The following PITPNC1 variants were observed in gnomAD, a reference collection of about 807,000 sequenced individuals.
The protein encoded by PITPNC1 is cytoplasmic phosphatidylinositol transfer protein 1.
A neutral mutation model predicts 44.7 loss-of-function variants in PITPNC1; 18 were observed. The ratio of observed to expected loss-of-function variants is 0.40; its 90% confidence interval spans 0.28 to 0.60. PITPNC1 has a LOEUF of 0.60. Ranked by LOEUF, PITPNC1 falls within the 20% of genes least tolerant of loss-of-function variation. The probability of loss-of-function intolerance (pLI) is 0.39; values close to 1 mark genes in which losing one functional copy is unlikely to be tolerated. For synonymous variants in PITPNC1, 141 were observed against 149.6 expected (o/e 0.94, Z 0.42); for missense variants, 290 against 418.4 (o/e 0.69, Z 2.68).
intron 1 of PITPNC1, among the ~76,000 whole-genome samples, chr17:67,391,062 T>C (rs2038131469): frequency 1.4e-5 from 2 of 143,372 alleles, no homozygotes; most frequent in South Asian, 4.3e-4. Flanking sequence ...TTTTTTAGCG[T>C]GTGTGTGTGT....
At position 67,616,361 on chromosome 17, in the gene PITPNC1, G is replaced by A. The variant is rs148835601; in HGVS notation, c.367-15782G>A. Among the ~76,000 whole-genome samples, 1,501 of 152,170 alleles carry A rather than the reference G, an allele frequency of 9.9e-3. 26 individuals carry two copies. The highest frequency in any genetic ancestry group is 0.034 in the African/African-American group (1,419 of 41,508). The stretch of plus-strand genomic sequence containing the variant: ...TTACCATGTTGGCTAGGCTGGTCTC[G>A]AACTCCTGACCTGAGGTGATCCACC... On this transcript the variant is annotated intron_variant, in intron 5 of 8. Transcript: ENST00000581322.
intron 8 of PITPNC1, chr17:67,687,023 T>C (rs764484299): frequency 1.8e-6 from 2 of 1,092,408 alleles, no homozygotes; most frequent in East Asian, 4.7e-5. Flanking sequence ...ATTGAAAGTT[T>C]GCATCTAATA....
intron 4 of PITPNC1, 139 bp from the exon 5 acceptor site, chr17:67,578,047 A>G: frequency 5.7e-6 from 4 of 706,176 alleles, no homozygotes; most frequent in South Asian, 4.5e-5. Flanking sequence ...CTGAATTTGG[A>G]TATTGACTTA....
intron 1 of PITPNC1, among the ~76,000 whole-genome samples, chr17:67,380,005 T>G (rs941227740): frequency 5.9e-5 from 9 of 152,018 alleles, no homozygotes; most frequent in Non-Finnish European, 1.0e-4. Flanking sequence ...AGGTATACCG[T>G]GGGGTAATTA....
chr17:67,631,521 C>G lies in PITPNC1; in HGVS notation c.367-622C>G, dbSNP rs1368022266. Among the ~76,000 whole-genome samples, 96 of 130,388 alleles carry G rather than the reference C, an allele frequency of 7.4e-4. 1 individual carries two copies. Among genetic ancestry groups the G allele is most frequent in the African/African-American group, 2.6e-3 (93 of 35,386 alleles). The allele number at this position is 130,388 out of a possible 152,430, so 85.5% of individuals were successfully genotyped here. On this transcript the variant is annotated intron_variant, in intron 5 of 8. Transcript: ENST00000581322. ...GTGGGCGCCTGTAATCCCAGCTACTCGGGAGGCTGAGGCAGGAGAATGGCA... is the reference window on the plus strand; with the variant it reads ...GTGGGCGCCTGTAATCCCAGCTACTGGGGAGGCTGAGGCAGGAGAATGGCA...
intron 2 of PITPNC1, among the ~76,000 whole-genome samples, chr17:67,535,019 C>G (rs544661696): frequency 1.4e-4 from 22 of 152,346 alleles, no homozygotes; most frequent in African/African-American, 5.3e-4. Context: ...GGATGGAATT[C>G]TCCCAGACCC....
rs568372553 is a variant in PITPNC1, at chr17:67,462,569, G to T, written c.49-70233G>T. 3.3e-5 allele frequency among the ~76,000 whole-genome samples: 5 copies of T among 151,808 alleles called. No individual in the cohort carries two copies. The East Asian group carries it at 9.7e-4, about 30-fold the overall frequency. On this transcript the variant is annotated intron_variant, in intron 1 of 8. Coordinates refer to ENST00000581322, the MANE Select transcript of PITPNC1 (RefSeq NM_012417.4). ...TTTTCTGTTGTGTGCCTAAGACATGGTTATCTAGACAAAAATACCACTTAG... is the reference window on the plus strand; with the variant it reads ...TTTTCTGTTGTGTGCCTAAGACATGTTTATCTAGACAAAAATACCACTTAG...
chr17:67,688,338 CA>C lies in PITPNC1; in HGVS notation c.683-4221del, dbSNP rs56938476. Among the ~76,000 whole-genome samples, 207 of 54,274 alleles carry C rather than the reference CA, an allele frequency of 3.8e-3. 30 individuals carry two copies. The highest frequency in any genetic ancestry group is 2.2e-3 in the Admixed American group (8 of 3,572). The allele number at this position is 54,274 out of a possible 152,430, so 35.6% of individuals were successfully genotyped here. On this transcript the variant is annotated intron_variant, in intron 8 of 8. Transcript: ENST00000581322. ...GGGCAACAAGAGCAAAATTCTGTCT[CA>C]AAAAAAAAAAAATCAATGCTGTAGT...
In PITPNC1 at chr17:67,643,151, G is replaced by A. The variant is rs567196442; in HGVS notation, c.462+10913G>A. Among the ~76,000 whole-genome samples the A allele has an allele frequency of 2.6e-5, 4 of 152,324 alleles. No homozygotes were observed. In the East Asian group the frequency reaches 5.8e-4, roughly 22 times the overall value. ...GCAGTGGCTCACGCCTGTAATCCCA[G>A]CACTTTGGGACGCCAAGGCAGGCAG... On this transcript the variant is annotated intron_variant, in intron 6 of 8. Coordinates refer to ENST00000581322, the MANE Select transcript of PITPNC1 (RefSeq NM_012417.4).
intron 2 of PITPNC1, among the ~76,000 whole-genome samples, chr17:67,536,043 G>A (rs1459370518): frequency 6.6e-6 from 1 of 152,180 alleles, no homozygotes; most frequent in African/African-American, 2.4e-5. Context: ...TAAGAAAGAG[G>A]AAACTGAGCC....
chr17:67,433,884 A>G (rs2038895033), intron 1 of PITPNC1, among the ~76,000 whole-genome samples: 1 of 152,044 alleles, frequency 6.6e-6, no homozygotes, highest in Non-Finnish European at 1.5e-5. Context: ...CCTGGGTGAC[A>G]TAGCGAGACT....
At chr17:67,378,241 AC>A in intron 1 of PITPNC1, 39 bp downstream of exon 1, 4 of 1,362,964 alleles carry the variant, frequency 2.9e-6, no homozygotes, top group Non-Finnish European at 3.9e-6. Flanking sequence ...CCGCTCCGGG[AC>A]CCCCGCCGCT....
chr17:67,479,658 G>T (rs1186874842), intron 1 of PITPNC1, among the ~76,000 whole-genome samples: 1 of 151,954 alleles, frequency 6.6e-6, no homozygotes, highest in Non-Finnish European at 1.5e-5. Context: ...CAAAGATTAT[G>T]ATTTTTTTTT....
In PITPNC1 at chr17:67,664,563, G is replaced by T. The variant is rs114206037; in HGVS notation, c.463-4945G>T. 5.6e-3 allele frequency among the ~76,000 whole-genome samples: 856 copies of T among 152,244 alleles called. 9 individuals carry two copies. Among genetic ancestry groups the T allele is most frequent in the African/African-American group, 0.019 (803 of 41,562 alleles). ...TTGCATTTCTCTGATGATTAGTAATGCTAAGCATTTTTTCATGTTTCTCGG... is the reference window on the plus strand; with the variant it reads ...TTGCATTTCTCTGATGATTAGTAATTCTAAGCATTTTTTCATGTTTCTCGG... On this transcript the variant is annotated intron_variant, in intron 6 of 8. Coordinates refer to ENST00000581322, the MANE Select transcript of PITPNC1 (RefSeq NM_012417.4).
At chr17:67,449,654 G>A (rs149690318) in intron 1 of PITPNC1, among the ~76,000 whole-genome samples, 9 of 152,238 alleles carry the variant, frequency 5.9e-5, no homozygotes, top group Non-Finnish European at 1.2e-4. Context: ...TAGACATCTC[G>A]GAGAATTGAA....
chr17:67,415,101 A>T (rs1416587090), intron 1 of PITPNC1, among the ~76,000 whole-genome samples: 2 of 152,012 alleles, frequency 1.3e-5, no homozygotes, highest in African/African-American at 4.8e-5. Context: ...GCTGGTCTCG[A>T]ACTCCTGAAC....
At position 67,502,985 on chromosome 17, in the gene PITPNC1, G is replaced by A. The variant is rs147652688; in HGVS notation, c.49-29817G>A. Among the ~76,000 whole-genome samples, 127 of 151,950 alleles carry A rather than the reference G, an allele frequency of 8.4e-4. 1 individual carries two copies. The highest frequency in any genetic ancestry group is 2.8e-3 in the African/African-American group (116 of 41,426). The stretch of plus-strand genomic sequence containing the variant: ...CTAATTTTTGTATTTCAGTAGAGAC[G>A]GGGTCTCACCATGTTGGCCAGGCTG... On this transcript the variant is annotated intron_variant, in intron 1 of 8. Coordinates refer to ENST00000581322, the MANE Select transcript of PITPNC1 (RefSeq NM_012417.4).
intron 1 of PITPNC1, among the ~76,000 whole-genome samples, chr17:67,423,396 G>C (rs2038698806): frequency 6.6e-6 from 1 of 152,180 alleles, no homozygotes. Context: ...TTTGCCTGGA[G>C]CACCCCGGTG....
At chr17:67,568,065 G>A (rs2041004497) in intron 4 of PITPNC1, among the ~76,000 whole-genome samples, 1 of 152,160 alleles carries the variant, frequency 6.6e-6, no homozygotes, top group Non-Finnish European at 1.5e-5. Flanking sequence ...AATAGCTGTG[G>A]CAGTATTGTT....
Sources: gnomAD v4.1 joint callset for allele counts (sites outside exome capture counted in the v4.1 genomes callset) on GRCh38, gnomAD v4.1.1 for gene constraint, MANE v1.5 for transcripts, NCBI Gene and HGNC (gene_info 2026-07-23, HGNC 2026-07-21) for gene names.